SLC25A51: variants seen among roughly 807,000 people sequenced by gnomAD.
The protein encoded by SLC25A51 is mitochondrial nicotinamide adenine dinucleotide transporter SLC25A51.
A neutral mutation model predicts 19.1 loss-of-function variants in SLC25A51; 11 were observed. That is an observed-to-expected ratio of 0.58 (90% confidence interval 0.36 to 0.96). The LOEUF is 0.96. SLC25A51 is among the 40% of genes least tolerant of loss of function. The probability of loss-of-function intolerance (pLI) is 0.01; values close to 1 mark genes in which losing one functional copy is unlikely to be tolerated. For synonymous variants in SLC25A51, 105 were observed against 133.6 expected (o/e 0.79, Z 1.47); for missense variants, 201 against 365.4 (o/e 0.55, Z 3.67).
intron 2 of SLC25A51, 52 bp from the exon 3 acceptor site, chr9:37,888,644 C>T (rs933658236): frequency 1.8e-5 from 24 of 1,363,590 alleles, no homozygotes; most frequent in Admixed American, 2.3e-5. Context: ...GAGCTAAACA[C>T]ATGGGCTTTC....
At chr9:37,895,099 A>G (rs1831686893) in intron 2 of SLC25A51, among the ~76,000 whole-genome samples, 1 of 152,138 alleles carries the variant, frequency 6.6e-6, no homozygotes, top group South Asian at 2.1e-4. Flanking sequence ...ATGTGTCCTT[A>G]TAGTAGAACT....
At chr9:37,885,342 TAAAAAA>T (rs60095173), downstream of SLC25A51, among the ~76,000 whole-genome samples, 1 of 99,242 alleles carries the variant, frequency 1.0e-5, no homozygotes. Flanking sequence ...TAGGTAATGA[TAAAAAA>T]AAAAAAAAAA....
rs574291775 is a variant in SLC25A51, at chr9:37,890,430, G to A, written c.-42-1838C>T. On this transcript the variant is annotated intron_variant, in intron 2 of 2. Coordinates refer to ENST00000242275, the MANE Select transcript of SLC25A51 (RefSeq NM_033412.4). The stretch of plus-strand genomic sequence containing the variant: ...TAAAAATTAAAAATAGTAGTCAGGC[G>A]CAGTGGCTCACACTTGTCATCCCAG... Among the ~76,000 whole-genome samples, 14 of 151,994 alleles carry A rather than the reference G, an allele frequency of 9.2e-5. No homozygotes were observed. The South Asian group carries it at 1.5e-3, about 16-fold the overall frequency.
downstream of SLC25A51, among the ~76,000 whole-genome samples, chr9:37,884,769 CTTG>C (rs937385395): frequency 1.3e-5 from 2 of 152,150 alleles, no homozygotes; most frequent in African/African-American, 4.8e-5. Flanking sequence ...AAAATGAAAA[CTTG>C]TTAACAGGAT....
intron 1 of SLC25A51, among the ~76,000 whole-genome samples, chr9:37,901,448 T>A (rs1380703665): frequency 6.6e-6 from 1 of 152,190 alleles, no homozygotes; most frequent in East Asian, 1.9e-4. Context: ...GGATTACAGG[T>A]GTGAGCCACT....
At chr9:37,890,762 C>T (rs552324063) in intron 2 of SLC25A51, among the ~76,000 whole-genome samples, 12 of 152,132 alleles carry the variant, frequency 7.9e-5, no homozygotes, top group African/African-American at 2.4e-4. Context: ...CAATTGAAAG[C>T]GCAGTCTCAA....
chr9:37,885,269 T>G (rs1340242544), downstream of SLC25A51, among the ~76,000 whole-genome samples: 1 of 146,760 alleles, frequency 6.8e-6, no homozygotes, highest in African/African-American at 2.5e-5. Flanking sequence ...TCTTGGGGAT[T>G]AGGTTCCCTG....
intron 2 of SLC25A51, 131 bp from the exon 3 acceptor site, chr9:37,888,723 G>C: frequency 1.3e-6 from 1 of 757,070 alleles, no homozygotes. Flanking sequence ...GATTCTTAAA[G>C]CATTTTCAGA....
At chr9:37,889,778 C>A (rs1167322145) in intron 2 of SLC25A51, among the ~76,000 whole-genome samples, 1 of 149,314 alleles carries the variant, frequency 6.7e-6, no homozygotes, top group East Asian at 2.0e-4. Flanking sequence ...CAAAGTTCCA[C>A]CCCTATAATA....
At chr9:37,903,325 G>T (rs995164067) in intron 1 of SLC25A51, among the ~76,000 whole-genome samples, 1 of 152,190 alleles carries the variant, frequency 6.6e-6, no homozygotes, top group African/African-American at 2.4e-5. Flanking sequence ...CAGCTAGGTA[G>T]AGCTGTGAGA....
chr9:37,887,917 C>T lies in SLC25A51; in HGVS notation c.634G>A (p.Val212Ile). ...AGACCTCCACAGATAAAATCATTGACCAGATGAGCACTGTGAGTCGTTGCG... is the reference window on the plus strand; with the variant it reads ...AGACCTCCACAGATAAAATCATTGATCAGATGAGCACTGTGAGTCGTTGCG... Reference protein sequence around the residue: ...PTATTHSAHLVNDFICGGLLG... With the variant: ...PTATTHSAHLINDFICGGLLG... Residue 212 changes from valine (V) to isoleucine (I), a missense_variant, in exon 3 of 3, where the codon GTC becomes ATC. Physicochemically the swap from Val to Ile is conservative, Grantham distance 29. Coordinates refer to ENST00000242275, the MANE Select transcript of SLC25A51 (RefSeq NM_033412.4). 6.2e-7 allele frequency: 1 copy of T among 1,611,984 alleles called. No individual in the cohort carries two copies. The highest frequency in any genetic ancestry group is 8.5e-7 in the Non-Finnish European group (1 of 1,179,854).
intron 1 of SLC25A51, chr9:37,903,817 G>A (rs911446478): frequency 6.6e-6 from 1 of 152,242 alleles, no homozygotes; most frequent in Non-Finnish European, 1.5e-5. Flanking sequence ...CGCGGGAAAG[G>A]TCGCCCAGCA....
intron 1 of SLC25A51, among the ~76,000 whole-genome samples, chr9:37,903,330 G>C (rs577848305): frequency 3.3e-5 from 5 of 152,332 alleles, no homozygotes; most frequent in African/African-American, 1.2e-4. Flanking sequence ...AGGTAGAGCT[G>C]TGAGATGCAA....
Position 37,888,570 on chromosome 9 carries a change from T to C in SLC25A51, c.-20A>G, listed in dbSNP as rs1831513338. On this transcript the variant is annotated 5_prime_UTR_variant, in exon 3 of 3. Transcript: ENST00000242275. ...CATCATGCTGCTTAAGATCTTTCTT[T>C]TTCATGAAGGACTTTTTTTAACCTA... 2 of 1,567,328 alleles carry C rather than the reference T, an allele frequency of 1.3e-6. No individual in the cohort carries two copies. Among genetic ancestry groups the C allele is most frequent in the South Asian group, 1.2e-5 (1 of 83,218 alleles).
chr9:37,886,317 A>C, downstream of SLC25A51: 1 of 1,614,080 alleles, frequency 6.2e-7, no homozygotes, highest in Non-Finnish European at 8.5e-7. Flanking sequence ...GCTGGAGACA[A>C]TATCCCTGAG....
rs1430807629 is a variant in SLC25A51, at chr9:37,890,733, T to G, written c.-42-2141A>C. Among the ~76,000 whole-genome samples, 3 of 151,934 alleles carry G rather than the reference T, an allele frequency of 2.0e-5. No individual in the cohort carries two copies. The East Asian group carries it at 5.8e-4, about 29-fold the overall frequency. ...GAACATACGATCCAACAATCCTACT[T>G]CTGGGGATATAACCAAAACAATTGA... is the stretch of plus-strand genomic sequence containing the variant. On this transcript the variant is annotated intron_variant, in intron 2 of 2. Transcript: ENST00000242275.
At chr9:37,899,656 C>A (rs1831798878) in intron 2 of SLC25A51, among the ~76,000 whole-genome samples, 173 bp downstream of exon 2, 1 of 152,152 alleles carries the variant, frequency 6.6e-6, no homozygotes, top group South Asian at 2.1e-4. Flanking sequence ...TAAGCCTTGG[C>A]ACTCAGATAA....
chr9:37,877,863 C>G (rs1831282636), downstream of SLC25A51, among the ~76,000 whole-genome samples: 1 of 152,100 alleles, frequency 6.6e-6, no homozygotes, highest in Non-Finnish European at 1.5e-5. Flanking sequence ...CAAAATTTAG[C>G]TGGGAATGGT....
chr9:37,888,671 T>G lies in SLC25A51; in HGVS notation c.-42-79A>C, dbSNP rs1255539455. On this transcript the variant is annotated intron_variant, in intron 2 of 2. Coordinates refer to ENST00000242275, the MANE Select transcript of SLC25A51 (RefSeq NM_033412.4). The stretch of plus-strand genomic sequence containing the variant: ...TGGGCTTTCTCCCTAATCCATCCTC[T>G]AATATCTGGACACCACACTTTCCTT... 2.7e-6 allele frequency: 3 copies of G among 1,125,536 alleles called. No homozygotes were observed. The East Asian group carries it at 7.2e-5, about 27-fold the overall frequency. The allele number at this position is 1,125,536 out of a possible 1,614,324, so 69.7% of individuals were successfully genotyped here. A position where few individuals can be genotyped will look rare whatever the true frequency, so the allele number is the denominator to read the frequency against.
Sources: gnomAD v4.1 joint callset for allele counts (sites outside exome capture counted in the v4.1 genomes callset) on GRCh38, gnomAD v4.1.1 for gene constraint, MANE v1.5 for transcripts, NCBI Gene and HGNC (gene_info 2026-07-23, HGNC 2026-07-21) for gene names.